Variants in GRM4 observed in about 807,000 individuals in gnomAD.
The protein encoded by GRM4 is metabotropic glutamate receptor 4.
In GRM4, 28 loss-of-function variants were observed where a neutral mutation model predicts 81.7. The observed-to-expected ratio is 0.34, with a 90% CI of 0.25 to 0.47. The LOEUF is 0.47. Among genes scored for constraint, GRM4 ranks in the 20% least tolerant of loss-of-function variants. The pLI, the probability that GRM4 is intolerant of heterozygous loss-of-function variation, is 1.00. For synonymous variants in GRM4, 488 were observed against 528.8 expected, an observed-to-expected ratio of 0.92 and a Z score of 1.06; for missense variants, 948 against 1,290.0, an observed-to-expected ratio of 0.73 and a Z score of 4.06.
chr6:34,044,269 T>TACAC (rs1454187461), intron 6 of GRM4, among the ~76,000 whole-genome samples: 36 of 100,038 alleles, frequency 3.6e-4, no homozygotes, highest in Admixed American at 1.0e-3. Flanking sequence ...TACATACACA[T>TACAC]ATACACATAC....
intron 2 of GRM4, among the ~76,000 whole-genome samples, chr6:34,097,249 C>T (rs986796559): frequency 2.6e-5 from 4 of 152,126 alleles, no homozygotes; most frequent in Admixed American, 2.0e-4. Flanking sequence ...ACCTCTTTTA[C>T]AGTCTGTGTG....
At chr6:34,067,080 C>CG (rs1766504643) in intron 3 of GRM4, among the ~76,000 whole-genome samples, 1 of 152,166 alleles carries the variant, frequency 6.6e-6, no homozygotes, top group African/African-American at 2.4e-5. Context: ...CAGGCTCTCA[C>CG]CTGGCCAGCC....
In GRM4 at chr6:34,133,071, G is replaced by A. The variant is rs1344781192; in HGVS notation, c.426C>T (p.Pro142=). ...TEVRCGSGGP[P]IITKPERVVG... is the part of the protein sequence containing the mutation. ...CCACACGTTCAGGCTTGGTGATGAT[G>A]GGTGGGCCGCCACTGCCACAGCGGA... The change falls in exon 2 of 11, where the codon CCC becomes CCT. Residue 142 remains proline, a synonymous_variant. Transcript: ENST00000538487. This position sits in a 1 kb window ranked among gnomAD's most constrained non-coding sequence, Gnocchi z 6.5. 4 of 1,613,780 alleles carry A rather than the reference G, an allele frequency of 2.5e-6. No individual in the cohort carries two copies. The East Asian group carries it at 6.7e-5, about 27-fold the overall frequency.
rs1418240097 is a variant in GRM4, at chr6:34,036,924, G to A, written c.1507-321C>T. ...AGGAAACAACAGTGCAGAGCAAAGA[G>A]AACTCAAGAGTCCTGACTCTTAGCC... On this transcript the variant is annotated intron_variant, in intron 8 of 10. Coordinates refer to ENST00000538487, the MANE Select transcript of GRM4 (RefSeq NM_000841.4). The surrounding 1 kb of genome is among the most constrained non-coding windows in gnomAD (Gnocchi z 9.0). 6.6e-6 allele frequency among the ~76,000 whole-genome samples: 1 copy of A among 152,212 alleles called. No individual in the cohort carries two copies. The highest frequency in any genetic ancestry group is 1.5e-5 in the Non-Finnish European group (1 of 68,032).
chr6:34,028,078 G>A (rs1764221084), intron 10 of GRM4, 42 bp downstream of exon 10: 3 of 1,578,034 alleles, frequency 1.9e-6, no homozygotes, highest in Non-Finnish European at 2.6e-6. Context: ...AAAAGGAGCG[G>A]GGCCTGGGGC....
intron 1 of GRM4, among the ~76,000 whole-genome samples, chr6:34,145,350 G>T (rs1050744940): frequency 1.3e-5 from 2 of 152,102 alleles, no homozygotes; most frequent in East Asian, 3.9e-4. Context: ...GCGAGCAAGC[G>T]AGAGGGAGAT....
At chr6:34,100,312 G>T (rs572737126) in intron 2 of GRM4, among the ~76,000 whole-genome samples, 1 of 152,304 alleles carries the variant, frequency 6.6e-6, no homozygotes, top group South Asian at 2.1e-4. Flanking sequence ...GGGTTTCTCT[G>T]GCCCTCCTCT....
chr6:34,028,030 C>T lies in GRM4; in HGVS notation c.2689+90G>A, dbSNP rs534798189. Reference sequence around the variant, plus strand: ...CCCAGGATGGGGCATCGGGGCAGGGCGGGGTGGGGAGGGGCAGGAGCTCAG... The same window carrying T: ...CCCAGGATGGGGCATCGGGGCAGGGTGGGGTGGGGAGGGGCAGGAGCTCAG... On this transcript the variant is annotated intron_variant, in intron 10 of 10. Transcript: ENST00000538487. 2.2e-3 allele frequency: 3,015 copies of T among 1,380,264 alleles called. 4 individuals carry two copies. The highest frequency in any genetic ancestry group is 2.7e-3 in the Non-Finnish European group (2,728 of 1,022,516). The allele number at this position is 1,380,264 out of a possible 1,614,324, so 85.5% of individuals were successfully genotyped here. A position where few individuals can be genotyped will look rare whatever the true frequency, so the allele number is the denominator to read the frequency against.
intron 2 of GRM4, among the ~76,000 whole-genome samples, chr6:34,129,825 T>G (rs1343045413): frequency 6.6e-6 from 1 of 152,212 alleles, no homozygotes; most frequent in African/African-American, 2.4e-5. Context: ...GCTCATATCC[T>G]GACCCTGACT....
intron 8 of GRM4, among the ~76,000 whole-genome samples, chr6:34,039,537 C>T (rs1211873209): frequency 3.3e-5 from 5 of 152,160 alleles, no homozygotes; most frequent in East Asian, 3.9e-4. Context: ...CCTTTCTCTC[C>T]GAAAACACTG....
At chr6:34,062,090 C>G in intron 3 of GRM4, 62 bp from the exon 4 acceptor site, 1 of 1,541,034 alleles carries the variant, frequency 6.5e-7, no homozygotes, top group African/African-American at 1.4e-5. Context: ...CCACCACTCT[C>G]CCAACATACA....
At chr6:34,067,076 C>T (rs1766504095) in intron 3 of GRM4, among the ~76,000 whole-genome samples, 1 of 152,168 alleles carries the variant, frequency 6.6e-6, no homozygotes, top group South Asian at 2.1e-4. Context: ...AGAGCAGGCT[C>T]TCACCTGGCC....
chr6:34,049,500 T>G (rs576076258), intron 6 of GRM4, among the ~76,000 whole-genome samples: 2 of 152,118 alleles, frequency 1.3e-5, no homozygotes, highest in South Asian at 4.2e-4. Flanking sequence ...GCCAGCCCCA[T>G]CTGTACTCTG....
chr6:34,102,123 T>G (rs769615181), intron 2 of GRM4: 1 of 1,535,630 alleles, frequency 6.5e-7, no homozygotes, highest in South Asian at 1.2e-5. Context: ...TGCACCATCT[T>G]GCAGCCAGCC....
rs763905510 is a variant in GRM4, at chr6:34,090,910, CCT to C, written c.736+971_736+972del. Among the ~76,000 whole-genome samples the C allele has an allele frequency of 5.3e-5, 8 of 152,100 alleles. No homozygotes were observed. The highest frequency in any genetic ancestry group is 8.8e-5 in the Non-Finnish European group (6 of 68,008). ...GAGACCAGGGGCAGGGCAGACGGGC[CCT>C]CTCTGCAGGAGGTGGGTCTGCCAGG... On this transcript the variant is annotated intron_variant, in intron 3 of 10. Coordinates refer to ENST00000538487, the MANE Select transcript of GRM4 (RefSeq NM_000841.4). This position sits in a 1 kb window ranked among gnomAD's most constrained non-coding sequence, Gnocchi z 5.2.
At chr6:34,071,996 A>G (rs1261535048) in intron 3 of GRM4, among the ~76,000 whole-genome samples, 1 of 126,204 alleles carries the variant, frequency 7.9e-6, no homozygotes, top group African/African-American at 2.9e-5. Flanking sequence ...CATCACCACA[A>G]AAATACACAC....
At chr6:34,044,313 TAC>T (rs1226078195) in intron 6 of GRM4, among the ~76,000 whole-genome samples, 15 of 135,778 alleles carry the variant, frequency 1.1e-4, no homozygotes, top group Middle Eastern at 5.2e-3. Flanking sequence ...TACACATATA[TAC>T]ACAGACACAC....
chr6:34,110,645 C>T (rs969440543), intron 2 of GRM4: 2 of 1,222,948 alleles, frequency 1.6e-6, no homozygotes, highest in South Asian at 2.6e-5. Context: ...TTACCATACC[C>T]CTTCTCATCC....
At chr6:34,049,645 C>T (rs1482765710) in intron 6 of GRM4, among the ~76,000 whole-genome samples, 2 of 152,142 alleles carry the variant, frequency 1.3e-5, no homozygotes, top group African/African-American at 4.8e-5. Context: ...TCCCAGCCTG[C>T]TCCTCCTCCC....
Sources: gnomAD v4.1 joint callset for allele counts (sites outside exome capture counted in the v4.1 genomes callset) on GRCh38, gnomAD v4.1.1 for gene constraint, Gnocchi (gnomAD v3.1) non-coding constraint, MANE v1.5 for transcripts, NCBI Gene and HGNC (gene_info 2026-07-23, HGNC 2026-07-21) for gene names.